Variants in SMAP1 observed in about 807,000 individuals in gnomAD.
The protein encoded by SMAP1 is stromal membrane-associated protein 1.
Under a neutral mutation model 58.5 loss-of-function variants are expected in SMAP1, and 24 were observed. That is an observed-to-expected ratio of 0.41 (90% CI 0.30 to 0.58). The LOEUF (loss-of-function observed/expected upper bound fraction) is 0.58. Ranked by LOEUF, SMAP1 falls within the 20% of genes least tolerant of loss-of-function variation. SMAP1 has a pLI of 0.29. For synonymous variants in SMAP1, 216 were observed against 196.6 expected, an observed-to-expected ratio of 1.10 and a Z score of -0.82; for missense variants, 563 against 566.3, an observed-to-expected ratio of 0.99 and a Z score of 0.06.
intron 7 of SMAP1, among the ~76,000 whole-genome samples, chr6:70,846,547 C>T (rs1770997017): frequency 6.6e-6 from 1 of 152,090 alleles, no homozygotes; most frequent in Admixed American, 6.5e-5. Flanking sequence ...CTTTGCAGCC[C>T]CTGGATTAGC....
At chr6:70,736,664 G>A (rs1481254536) in intron 2 of SMAP1, among the ~76,000 whole-genome samples, 2 of 152,194 alleles carry the variant, frequency 1.3e-5, no homozygotes, top group Non-Finnish European at 2.9e-5. Flanking sequence ...TGGAAAGAAA[G>A]TTAATGTCAT....
intron 6 of SMAP1, among the ~76,000 whole-genome samples, chr6:70,802,861 T>C (rs1380042300): frequency 8.2e-6 from 1 of 122,310 alleles, no homozygotes; most frequent in Admixed American, 8.1e-5. Flanking sequence ...GAAGCCCACT[T>C]GATCGTGGTG....
chr6:70,733,767 A>C (rs1057368293), intron 2 of SMAP1, among the ~76,000 whole-genome samples: 2 of 152,210 alleles, frequency 1.3e-5, no homozygotes, highest in Admixed American at 1.3e-4. Flanking sequence ...CAAAGCATTC[A>C]CGACCGAAGT....
Position 70,819,642 on chromosome 6 carries a change from TAGTG to T in SMAP1, c.577-17296_577-17293del, listed in dbSNP as rs578061158. On this transcript the variant is annotated intron_variant, in intron 6 of 10. Coordinates refer to ENST00000370455, the MANE Select transcript of SMAP1 (RefSeq NM_001044305.3). Reference sequence around the variant, plus strand: ...AGGTTGTTTAGACCCAGATGGTAAATAGTGAGCACTATTTATCGTAATATAATGA... The same window carrying T: ...AGGTTGTTTAGACCCAGATGGTAAATAGCACTATTTATCGTAATATAATGA... 6.2e-4 allele frequency among the ~76,000 whole-genome samples: 94 copies of T among 152,286 alleles called. 1 individual carries two copies. The highest frequency in any genetic ancestry group is 2.2e-3 in the African/African-American group (91 of 41,564).
At chr6:70,746,928 A>G (rs1766068274) in intron 2 of SMAP1, among the ~76,000 whole-genome samples, 3 of 152,218 alleles carry the variant, frequency 2.0e-5, no homozygotes, top group Non-Finnish European at 2.9e-5. Flanking sequence ...ATTTGGAGAT[A>G]GGGGCTTAAG....
At chr6:70,674,152 C>T (rs1389755772) in intron 1 of SMAP1, among the ~76,000 whole-genome samples, 1 of 150,902 alleles carries the variant, frequency 6.6e-6, no homozygotes, top group Non-Finnish European at 1.5e-5. Flanking sequence ...TACAGGGTCT[C>T]ACTCTGTCGC....
intron 7 of SMAP1, among the ~76,000 whole-genome samples, chr6:70,845,171 CTT>C (rs1770942788): frequency 6.6e-6 from 1 of 152,070 alleles, no homozygotes; most frequent in Non-Finnish European, 1.5e-5. Context: ...TCATGTTGCT[CTT>C]TGACATTTTT....
intron 1 of SMAP1, among the ~76,000 whole-genome samples, chr6:70,699,127 C>G (rs1053850242): frequency 6.6e-6 from 1 of 152,198 alleles, no homozygotes; most frequent in African/African-American, 2.4e-5. Flanking sequence ...GACCCAGACC[C>G]AGTAACACTG....
intron 6 of SMAP1, among the ~76,000 whole-genome samples, chr6:70,828,281 A>C (rs1483784087): frequency 1.3e-5 from 2 of 152,208 alleles, no homozygotes; most frequent in Non-Finnish European, 2.9e-5. Flanking sequence ...GGTTAAACCT[A>C]TGAAGATTTC....
intron 1 of SMAP1, among the ~76,000 whole-genome samples, chr6:70,707,556 C>T (rs1490190623): frequency 6.6e-6 from 1 of 152,136 alleles, no homozygotes; most frequent in Admixed American, 6.5e-5. Context: ...TGAAAATAGA[C>T]ATCTGAAACC....
rs552068835 is a variant in SMAP1 at position 70,685,263 on chromosome 6, C to T, written c.118+17122C>T. ...GTGCAAAAATACTTGATGGAAGCCT[C>T]AGGAAAATAAAGTAGTTAATACTTT... is the stretch of plus-strand genomic sequence containing the variant. On this transcript the variant is annotated intron_variant, in intron 1 of 10. Transcript: ENST00000370455. 5.4e-5 allele frequency among the ~76,000 whole-genome samples: 8 copies of T among 149,430 alleles called. No individual in the cohort carries two copies. In the South Asian group the frequency reaches 1.3e-3, roughly 24 times the overall value.
intron 1 of SMAP1, among the ~76,000 whole-genome samples, chr6:70,731,504 A>C (rs1169736483): frequency 6.6e-6 from 1 of 152,236 alleles, no homozygotes; most frequent in East Asian, 1.9e-4. Flanking sequence ...ATTGAGTGCT[A>C]CTATTGCTCT....
intron 7 of SMAP1, among the ~76,000 whole-genome samples, chr6:70,840,028 TA>T (rs1770743283): frequency 1.3e-5 from 2 of 152,254 alleles, no homozygotes; most frequent in Admixed American, 1.3e-4. Flanking sequence ...TTTTCCCCTG[TA>T]AATTGAAACA....
chr6:70,785,517 G>A (rs962652383), intron 4 of SMAP1, among the ~76,000 whole-genome samples: 23 of 152,290 alleles, frequency 1.5e-4, no homozygotes, highest in Non-Finnish European at 2.6e-4. Flanking sequence ...CCAGGAGCTG[G>A]TTTTTTGAAA....
At chr6:70,795,828 C>G (rs1768581442) in intron 5 of SMAP1, among the ~76,000 whole-genome samples, 1 of 151,928 alleles carries the variant, frequency 6.6e-6, no homozygotes, top group South Asian at 2.1e-4. Context: ...ACCTCCGCCT[C>G]CTGGATTCAA....
At chr6:70,719,779 T>C (rs1768437755) in intron 1 of SMAP1, among the ~76,000 whole-genome samples, 1 of 152,088 alleles carries the variant, frequency 6.6e-6, no homozygotes, top group Non-Finnish European at 1.5e-5. Flanking sequence ...CCATCAGATC[T>C]CATGAGACTT....
chr6:70,783,434 G>A lies in SMAP1; in HGVS notation c.415-8255G>A, dbSNP rs188919129. On this transcript the variant is annotated intron_variant, in intron 4 of 10. Transcript: ENST00000370455. ...AGGAACGCAGTTCCTCACCAGCAAC[G>A]GAACAATGCTGGACAGAGAATGACT... 7.2e-5 allele frequency among the ~76,000 whole-genome samples: 11 copies of A among 152,294 alleles called. No individual in the cohort carries two copies. In the East Asian group the frequency reaches 1.7e-3, roughly 24 times the overall value.
intron 6 of SMAP1, 109 bp from the exon 7 acceptor site, chr6:70,836,832 T>C: frequency 1.2e-6 from 1 of 841,592 alleles, no homozygotes; most frequent in Non-Finnish European, 1.8e-6. Context: ...ATACTATGTT[T>C]CATATTTTTT....
chr6:70,807,485 C>A (rs916640874), intron 6 of SMAP1, among the ~76,000 whole-genome samples: 1 of 152,122 alleles, frequency 6.6e-6, no homozygotes, highest in Non-Finnish European at 1.5e-5. Flanking sequence ...CTATTTAATT[C>A]ACTTAGTTTA....
Sources: gnomAD v4.1 joint callset for allele counts (sites outside exome capture counted in the v4.1 genomes callset) on GRCh38, gnomAD v4.1.1 for gene constraint, MANE v1.5 for transcripts, NCBI Gene and HGNC (gene_info 2026-07-23, HGNC 2026-07-21) for gene names.